The following EYS variants were observed in gnomAD, a reference collection of about 807,000 sequenced individuals.
EYS encodes EGF-like photoreceptor maintenance factor, also known as protein eyes shut homolog.
EYS carries 250 observed loss-of-function variants against 282.1 expected under a neutral mutation model. The observed-to-expected ratio is 0.89, with a 90% confidence interval of 0.80 to 0.98. The LOEUF is 0.98. Among genes scored for constraint, EYS ranks in the 50% least tolerant of loss-of-function variants. The probability of loss-of-function intolerance (pLI) is 0.00; values close to 1 mark genes in which losing one functional copy is unlikely to be tolerated. For missense variants in EYS, 4,016 were observed against 3,709.0 expected, an observed-to-expected ratio of 1.08 and a Z score of -2.15; for synonymous variants, 1,355 against 1,282.9, an observed-to-expected ratio of 1.06 and a Z score of -1.20.
At chr6:63,800,134 T>G (rs908328922) in intron 37 of EYS, among the ~76,000 whole-genome samples, 1 of 152,180 alleles carries the variant, frequency 6.6e-6, no homozygotes, top group Non-Finnish European at 1.5e-5. Flanking sequence ...CTGGATGAGA[T>G]TTCTACTTTC....
rs1343447213 is a variant in EYS at position 65,005,592 on chromosome 6, G to A, written c.2138-7889C>T. Among the ~76,000 whole-genome samples, 4 of 147,506 alleles carry A rather than the reference G, an allele frequency of 2.7e-5. 1 individual carries two copies. In the East Asian group the frequency reaches 6.4e-4, roughly 24 times the overall value. On this transcript the variant is annotated intron_variant, in intron 13 of 42. Transcript: ENST00000503581. ...TCCTTAGAACTGGAGGAAAATACCG[G>A]GCACCTGTCCGCCAGTTAAAAACGA...
chr6:64,175,171 G>A (rs1339468273), intron 31 of EYS, among the ~76,000 whole-genome samples: 3 of 151,916 alleles, frequency 2.0e-5, no homozygotes, highest in Non-Finnish European at 2.9e-5. Context: ...CTGATTCCTT[G>A]GGTATGTATA....
chr6:65,473,512 GACACCT>G (rs1300192912), intron 5 of EYS, among the ~76,000 whole-genome samples: 1 of 151,828 alleles, frequency 6.6e-6, no homozygotes, highest in Non-Finnish European at 1.5e-5. Context: ...CAGTAACTGT[GACACCT>G]GGATTTTGAT....
chr6:64,964,289 C>G (rs1299782408), intron 14 of EYS, among the ~76,000 whole-genome samples: 2 of 152,028 alleles, frequency 1.3e-5, no homozygotes, highest in Non-Finnish European at 2.9e-5. Context: ...TACCATCTGT[C>G]TGACTTCCTT....
chr6:64,561,893 A>G (rs1765404725), intron 26 of EYS, among the ~76,000 whole-genome samples: 1 of 150,318 alleles, frequency 6.7e-6, no homozygotes, highest in Non-Finnish European at 1.5e-5. Flanking sequence ...TTTTTTCACA[A>G]AACTATTATA....
intron 31 of EYS, among the ~76,000 whole-genome samples, chr6:64,094,747 C>A (rs189214236): frequency 0.019 from 2,822 of 151,942 alleles, 82 homozygotes; most frequent in African/African-American, 0.064. Flanking sequence ...TTGTGTCTCT[C>A]TCTCCTTCAG....
chr6:63,788,688 T>C (rs1443687617), intron 38 of EYS, among the ~76,000 whole-genome samples: 1 of 152,190 alleles, frequency 6.6e-6, no homozygotes, highest in Non-Finnish European at 1.5e-5. Context: ...AGACCTTATC[T>C]GTCTCTAACC....
At chr6:64,558,765 C>T (rs1295450356) in intron 26 of EYS, among the ~76,000 whole-genome samples, 1 of 152,094 alleles carries the variant, frequency 6.6e-6, no homozygotes, top group Non-Finnish European at 1.5e-5. Flanking sequence ...AATAATTTCC[C>T]TGCAAGGAAA....
intron 22 of EYS, among the ~76,000 whole-genome samples, chr6:64,787,947 A>G (rs762658790): frequency 2.8e-4 from 42 of 151,664 alleles, no homozygotes; most frequent in Non-Finnish European, 4.4e-4. Context: ...CCCCTTTGTA[A>G]CTGTTGTTTT....
At chr6:64,201,550 C>T (rs994250703) in intron 31 of EYS, among the ~76,000 whole-genome samples, 22 of 151,918 alleles carry the variant, frequency 1.4e-4, no homozygotes, top group Non-Finnish European at 3.2e-4. Context: ...AATGTCTTAA[C>T]CATTAAAATT....
intron 26 of EYS, among the ~76,000 whole-genome samples, chr6:64,519,566 T>A (rs13202092): frequency 0.3 from 45,705 of 151,548 alleles, 6,935 homozygotes; most frequent in East Asian, 0.47. Context: ...TCAAAATAGC[T>A]GTCAATTATC....
At chr6:65,700,114 C>CAAAAAAAAAAAAAAAAAAAAAAAAAA (rs1178482636) in intron 1 of EYS, among the ~76,000 whole-genome samples, 1 of 51,794 alleles carries the variant, frequency 1.9e-5, no homozygotes, top group Non-Finnish European at 3.1e-5. Flanking sequence ...GACTCCGTCT[C>CAAAAAAAAAAAAAAAAAAAAAAAAAA]AAAAAAAAAA....
At chr6:64,392,466 A>G (rs993258088) in intron 28 of EYS, among the ~76,000 whole-genome samples, 2 of 151,522 alleles carry the variant, frequency 1.3e-5, no homozygotes, top group Non-Finnish European at 2.9e-5. Flanking sequence ...ACTCAGGACT[A>G]AGAAACTCAC....
chr6:64,608,280 C>T (rs1331333347), intron 24 of EYS, among the ~76,000 whole-genome samples: 2 of 151,810 alleles, frequency 1.3e-5, no homozygotes, highest in East Asian at 3.9e-4. Context: ...GTGCACAGTT[C>T]CTGTTTTATG....
At chr6:65,031,143 T>TTATA (rs56260229) in intron 13 of EYS, among the ~76,000 whole-genome samples, 77 of 145,496 alleles carry the variant, frequency 5.3e-4, no homozygotes, top group South Asian at 8.6e-4. Flanking sequence ...ATTTTATATT[T>TTATA]TATATATATA....
intron 1 of EYS, among the ~76,000 whole-genome samples, chr6:65,640,771 T>C (rs1244855417): frequency 6.6e-6 from 1 of 152,170 alleles, no homozygotes; most frequent in African/African-American, 2.4e-5. Context: ...TACAGTTTCA[T>C]TATAATGTTT....
intron 22 of EYS, among the ~76,000 whole-genome samples, chr6:64,793,800 GT>G (rs147244416): frequency 8.0e-5 from 12 of 150,604 alleles, no homozygotes; most frequent in East Asian, 3.9e-4. Flanking sequence ...TTTTCCATCT[GT>G]TTTTTTTTGT....
intron 8 of EYS, among the ~76,000 whole-genome samples, chr6:65,354,232 C>A (rs993718085): frequency 3.9e-5 from 6 of 152,152 alleles, no homozygotes; most frequent in Middle Eastern, 6.8e-3. Context: ...CATCAACCAG[C>A]ATGAAATTTA....
chr6:63,834,596 C>G (rs1389553110), intron 36 of EYS, among the ~76,000 whole-genome samples: 1 of 146,936 alleles, frequency 6.8e-6, no homozygotes, highest in Non-Finnish European at 1.5e-5. Context: ...CGCTTTTACA[C>G]TGTTGGTGGG....
Sources: gnomAD v4.1 joint callset for allele counts (sites outside exome capture counted in the v4.1 genomes callset) on GRCh38, gnomAD v4.1.1 for gene constraint, MANE v1.5 for transcripts, NCBI Gene and HGNC (gene_info 2026-07-23, HGNC 2026-07-21) for gene names.